Variants in LRFN5 observed in about 807,000 individuals in gnomAD.
The protein encoded by LRFN5 is leucine-rich repeat and fibronectin type-III domain-containing protein 5.
A neutral mutation model predicts 45.6 loss-of-function variants in LRFN5; 24 were observed. The ratio of observed to expected loss-of-function variants is 0.53; its 90% CI spans 0.38 to 0.74. LRFN5 has a LOEUF of 0.74. LRFN5 is among the 30% of genes least tolerant of loss of function. The pLI is 0.00. For synonymous variants in LRFN5, 340 were observed against 313.8 expected (o/e 1.08, Z -0.88); for missense variants, 776 against 861.5 (o/e 0.90, Z 1.24).
chr14:41,845,475 G>A (rs191455950), intron 2 of LRFN5, among the ~76,000 whole-genome samples: 4 of 152,044 alleles, frequency 2.6e-5, no homozygotes, highest in Admixed American at 2.0e-4. Flanking sequence ...CTAAACAAAA[G>A]CATTTTTCAT....
chr14:41,722,883 G>T (rs8016508), intron 1 of LRFN5, among the ~76,000 whole-genome samples: 37,483 of 152,044 alleles, frequency 0.25, 5,082 homozygotes, highest in South Asian at 0.41. Flanking sequence ...GTGGGGCCAG[G>T]TTGGGCAGGT....
chr14:41,780,090 C>T (rs74727745), intron 2 of LRFN5, among the ~76,000 whole-genome samples: 37 of 151,742 alleles, frequency 2.4e-4, no homozygotes, highest in East Asian at 1.7e-3. Context: ...TAAATATCTC[C>T]GTAGGCAGTG....
At chr14:41,659,869 A>G (rs530589508) in intron 1 of LRFN5, among the ~76,000 whole-genome samples, 1 of 146,062 alleles carries the variant, frequency 6.8e-6, no homozygotes, top group East Asian at 2.0e-4. Flanking sequence ...GTGTCTGTTC[A>G]TGTCCTTCAC....
chr14:41,650,898 AGGGAGGGAGGGAGGGAGG>A (rs1474119897), intron 1 of LRFN5, among the ~76,000 whole-genome samples: 7 of 43,398 alleles, frequency 1.6e-4, no homozygotes, highest in Admixed American at 1.6e-3. Flanking sequence ...AGAGAGAGAG[AGGGAGGGAGGGAGGGAGG>A]GAGGGAGGGA....
chr14:41,708,995 T>G (rs1169013379), intron 1 of LRFN5, among the ~76,000 whole-genome samples: 3 of 151,936 alleles, frequency 2.0e-5, no homozygotes, highest in African/African-American at 7.2e-5. Flanking sequence ...GAGTCATTAT[T>G]CATTAGGATA....
intron 1 of LRFN5, among the ~76,000 whole-genome samples, chr14:41,692,067 T>C (rs1882402164): frequency 6.6e-6 from 1 of 152,136 alleles, no homozygotes; most frequent in African/African-American, 2.4e-5. Context: ...GATGTATATA[T>C]GTTTTCAGTT....
intron 1 of LRFN5, among the ~76,000 whole-genome samples, chr14:41,728,131 G>A (rs1277206136): frequency 6.6e-6 from 1 of 152,040 alleles, no homozygotes; most frequent in Non-Finnish European, 1.5e-5. Flanking sequence ...AATCTAAAGG[G>A]CTGTATTTCA....
chr14:41,808,581 G>GGAAC (rs1321430458), intron 2 of LRFN5, among the ~76,000 whole-genome samples: 33 of 131,740 alleles, frequency 2.5e-4, no homozygotes, highest in Admixed American at 3.2e-4. Context: ...AAGGAAGGAA[G>GGAAC]GAAGGAAGGA....
intron 1 of LRFN5, among the ~76,000 whole-genome samples, chr14:41,620,764 GT>G (rs895667802): frequency 8.1e-5 from 12 of 148,594 alleles, no homozygotes; most frequent in African/African-American, 2.0e-4. Flanking sequence ...GGGGAAAGCA[GT>G]TTTTTTTTTC....
chr14:41,872,350 A>T (rs1177643361), intron 2 of LRFN5, among the ~76,000 whole-genome samples: 4 of 152,232 alleles, frequency 2.6e-5, no homozygotes, highest in Non-Finnish European at 4.4e-5. Context: ...ATAGACATAT[A>T]GACTTGAATG....
chr14:41,638,981 A>G (rs2138593422), intron 1 of LRFN5, among the ~76,000 whole-genome samples: 1 of 152,178 alleles, frequency 6.6e-6, no homozygotes, highest in African/African-American at 2.4e-5. Flanking sequence ...CCTTACAAAA[A>G]TGCTGTGAGG....
chr14:41,623,700 G>A (rs1888220930), intron 1 of LRFN5, among the ~76,000 whole-genome samples: 1 of 152,080 alleles, frequency 6.6e-6, no homozygotes, highest in Non-Finnish European at 1.5e-5. Context: ...GGAAACTGTA[G>A]GGCAGTATCA....
chr14:41,896,446 G>A (rs1007349966), intron 4 of LRFN5, among the ~76,000 whole-genome samples: 3 of 152,074 alleles, frequency 2.0e-5, no homozygotes, highest in African/African-American at 7.2e-5. Flanking sequence ...AGTGTTTTGA[G>A]GAAAGGACTT....
intron 1 of LRFN5, among the ~76,000 whole-genome samples, chr14:41,738,688 T>C (rs2138814072): frequency 6.6e-6 from 1 of 152,348 alleles, no homozygotes; most frequent in Middle Eastern, 3.4e-3. Context: ...TTTCGTCTGA[T>C]AGCTTTCAGA....
intron 2 of LRFN5, among the ~76,000 whole-genome samples, chr14:41,856,449 G>T (rs900747820): frequency 1.3e-5 from 2 of 152,090 alleles, no homozygotes; most frequent in South Asian, 4.1e-4. Context: ...TTTAAATAGT[G>T]CATGGCCGTT....
chr14:41,850,370 C>T (rs149678327), intron 2 of LRFN5, among the ~76,000 whole-genome samples: 2 of 151,770 alleles, frequency 1.3e-5, no homozygotes, highest in Non-Finnish European at 3.0e-5. Flanking sequence ...CATAAATCTG[C>T]TTCAAAAATG....
chr14:41,762,265 T>C (rs986173428), intron 1 of LRFN5, among the ~76,000 whole-genome samples: 12 of 152,206 alleles, frequency 7.9e-5, no homozygotes, highest in African/African-American at 2.6e-4. Flanking sequence ...GTCAGCAAGA[T>C]TTATGCTTTA....
intron 1 of LRFN5, among the ~76,000 whole-genome samples, chr14:41,696,295 T>C (rs1882606436): frequency 2.0e-5 from 3 of 151,966 alleles, no homozygotes. Context: ...CTGTGAACAT[T>C]GTTGAAATGA....
In LRFN5 at chr14:41,887,339, T is replaced by G. The variant is rs61742049; in HGVS notation, c.714T>G (p.Gly238=). Residue 238 remains glycine (G), a synonymous_variant, in exon 3 of 6, where the codon GGT becomes GGG. Coordinates refer to ENST00000298119, the MANE Select transcript of LRFN5 (RefSeq NM_152447.5). This position sits in a 1 kb window ranked among gnomAD's most constrained non-coding sequence, Gnocchi z 4.8. ...ISPSTFALSF[G]GNPLHCNCEL... is the part of the protein sequence containing the mutation. Reference sequence around the variant, plus strand: ...CATCTACTTTTGCATTAAGTTTTGGTGGAAACCCCTTGCATTGCAATTGTG... The same window carrying G: ...CATCTACTTTTGCATTAAGTTTTGGGGGAAACCCCTTGCATTGCAATTGTG... 6.2e-7 allele frequency: 1 copy of G among 1,614,182 alleles called. No homozygotes were observed. The highest frequency in any genetic ancestry group is 8.5e-7 in the Non-Finnish European group (1 of 1,180,032).
Sources: gnomAD v4.1 joint callset for allele counts (sites outside exome capture counted in the v4.1 genomes callset) on GRCh38, gnomAD v4.1.1 for gene constraint, Gnocchi (gnomAD v3.1) non-coding constraint, MANE v1.5 for transcripts, NCBI Gene and HGNC (gene_info 2026-07-23, HGNC 2026-07-21) for gene names.